Variants in NLGN1 observed in about 807,000 individuals in gnomAD.
NLGN1 encodes neuroligin-1.
In NLGN1, 12 loss-of-function variants were observed where a neutral mutation model predicts 65.5. That is an observed-to-expected ratio of 0.18 (90% confidence interval 0.12 to 0.30). NLGN1 has a LOEUF of 0.30. NLGN1 is among the 10% of genes least tolerant of loss of function. The pLI, the probability that NLGN1 is intolerant of heterozygous loss-of-function variation, is 1.00. For synonymous variants in NLGN1, 350 were observed against 359.5 expected, an observed-to-expected ratio of 0.97 and a Z score of 0.30; for missense variants, 750 against 1,007.1, an observed-to-expected ratio of 0.74 and a Z score of 3.46.
At chr3:173,565,124 G>T (rs1384361102) in intron 2 of NLGN1, among the ~76,000 whole-genome samples, 4 of 152,148 alleles carry the variant, frequency 2.6e-5, no homozygotes, top group Admixed American at 6.5e-5. Context: ...GTCTGGGTAT[G>T]TGCAGTATAA....
intron 3 of NLGN1, among the ~76,000 whole-genome samples, chr3:173,736,696 AAT>A (rs1331941161): frequency 2.0e-5 from 3 of 152,182 alleles, no homozygotes; most frequent in African/African-American, 7.2e-5. Flanking sequence ...GTACCTACAA[AAT>A]ATTAAAGGTG....
intron 2 of NLGN1, among the ~76,000 whole-genome samples, chr3:173,509,869 G>T (rs1732640353): frequency 2.0e-5 from 3 of 152,082 alleles, no homozygotes; most frequent in African/African-American, 7.2e-5. Flanking sequence ...TGAATTGATT[G>T]TTTTGATATC....
intron 3 of NLGN1, among the ~76,000 whole-genome samples, chr3:173,772,850 C>G (rs569704586): frequency 6.6e-6 from 1 of 152,236 alleles, no homozygotes; most frequent in South Asian, 2.1e-4. Context: ...CCAGACTCCT[C>G]CTCCTAATTG....
At chr3:174,000,638 A>C (rs1484303995) in intron 4 of NLGN1, among the ~76,000 whole-genome samples, 2 of 152,198 alleles carry the variant, frequency 1.3e-5, no homozygotes, top group Admixed American at 6.5e-5. Flanking sequence ...CATCTTGTGT[A>C]ATGTGAAATG....
At chr3:173,537,322 CACAA>C (rs1309790939) in intron 2 of NLGN1, among the ~76,000 whole-genome samples, 2 of 152,266 alleles carry the variant, frequency 1.3e-5, no homozygotes, top group South Asian at 2.1e-4. Context: ...GTCTCCTGCA[CACAA>C]ACAGAGAATA....
chr3:173,443,595 T>C (rs1031266686), intron 2 of NLGN1, among the ~76,000 whole-genome samples: 2 of 152,246 alleles, frequency 1.3e-5, no homozygotes, highest in Admixed American at 6.5e-5. Context: ...ACTTTCAGAC[T>C]TAGACTTTTG....
chr3:173,616,162 C>T (rs1313098359), intron 3 of NLGN1, among the ~76,000 whole-genome samples: 1 of 152,252 alleles, frequency 6.6e-6, no homozygotes, highest in African/African-American at 2.4e-5. Context: ...ATACTGTAGT[C>T]TCTCAATACC....
chr3:174,207,171 A>T (rs1735571297), intron 4 of NLGN1, among the ~76,000 whole-genome samples: 1 of 147,842 alleles, frequency 6.8e-6, no homozygotes, highest in Non-Finnish European at 1.5e-5. Context: ...GAGGTGTTTT[A>T]TAGATTGTTT....
chr3:173,606,326 G>A (rs1751407485), intron 3 of NLGN1, among the ~76,000 whole-genome samples: 2 of 152,058 alleles, frequency 1.3e-5, no homozygotes. Flanking sequence ...TGTAGACACT[G>A]ACAGCTGCAA....
chr3:173,686,730 A>G (rs986361362), intron 3 of NLGN1, among the ~76,000 whole-genome samples: 1 of 152,084 alleles, frequency 6.6e-6, no homozygotes, highest in Admixed American at 6.6e-5. Context: ...CGAGGCAGGC[A>G]GATCACGAGG....
chr3:173,604,645 T>C (rs1465299067), exon 3 of NLGN1: 1 of 1,613,668 alleles, frequency 6.2e-7, no homozygotes, highest in Non-Finnish European at 8.5e-7. Context: ...TGGAGAGCAG[T>C]GATGGCATGC....
At chr3:173,625,462 G>A (rs1754676820) in intron 3 of NLGN1, among the ~76,000 whole-genome samples, 1 of 152,094 alleles carries the variant, frequency 6.6e-6, no homozygotes, top group African/African-American at 2.4e-5. Context: ...GGTGACATGT[G>A]TACATTTACT....
At chr3:174,290,320 C>G (rs966927494), downstream of NLGN1, among the ~76,000 whole-genome samples, 1 of 150,784 alleles carries the variant, frequency 6.6e-6, no homozygotes, top group South Asian at 2.1e-4. Flanking sequence ...ATAAACAGAT[C>G]TATGAAGAAA....
intron 4 of NLGN1, among the ~76,000 whole-genome samples, chr3:173,943,449 G>T (rs1370428303): frequency 6.6e-6 from 1 of 152,096 alleles, no homozygotes; most frequent in Admixed American, 6.6e-5. Context: ...GTGAGTTCAG[G>T]AAAGCACCTA....
intron 3 of NLGN1, among the ~76,000 whole-genome samples, chr3:173,685,956 A>G (rs1764625538): frequency 1.3e-5 from 2 of 152,226 alleles, no homozygotes; most frequent in Admixed American, 6.5e-5. Flanking sequence ...ATATCAAGCT[A>G]CAAGAAGGGT....
intron 2 of NLGN1, among the ~76,000 whole-genome samples, chr3:173,482,748 A>G (rs949814507): frequency 6.6e-6 from 1 of 152,024 alleles, no homozygotes; most frequent in African/African-American, 2.4e-5. Context: ...AAGCAGTCTA[A>G]TGAGAGCTAG....
intron 3 of NLGN1, among the ~76,000 whole-genome samples, chr3:173,711,556 A>G (rs891959964): frequency 6.6e-6 from 1 of 152,200 alleles, no homozygotes; most frequent in Non-Finnish European, 1.5e-5. Context: ...TTGCTAATGC[A>G]TAAAAGCATC....
intron 3 of NLGN1, among the ~76,000 whole-genome samples, chr3:173,742,436 T>C (rs993787263): frequency 8.5e-5 from 13 of 152,188 alleles, no homozygotes; most frequent in African/African-American, 2.7e-4. Flanking sequence ...TTTTCAAGCT[T>C]CTACTATATT....
chr3:173,594,241 G>A (rs769413132), intron 2 of NLGN1, among the ~76,000 whole-genome samples: 30 of 152,282 alleles, frequency 2.0e-4, no homozygotes, highest in Middle Eastern at 3.4e-3. Flanking sequence ...AAAATCAAAA[G>A]CAAGCTAGTT....
Sources: gnomAD v4.1 joint callset for allele counts (sites outside exome capture counted in the v4.1 genomes callset) on GRCh38, gnomAD v4.1.1 for gene constraint, MANE v1.5 for transcripts, NCBI Gene and HGNC (gene_info 2026-07-23, HGNC 2026-07-21) for gene names.